Variants in MEDAG observed in about 807,000 individuals in gnomAD.
MEDAG encodes the protein mesenteric estrogen dependent adipogenesis.
MEDAG carries 25 observed loss-of-function variants against 29.9 expected under a neutral mutation model. That is an observed-to-expected ratio of 0.84 (90% CI 0.61 to 1.17). The LOEUF is 1.17. Among genes scored for constraint, MEDAG ranks in the 50% most tolerant of loss-of-function variants. MEDAG has a pLI of 0.00. For missense variants in MEDAG, 398 were observed against 372.9 expected (o/e 1.07, Z -0.56); for synonymous variants, 158 against 148.2 (o/e 1.07, Z -0.48).
In MEDAG at chr13:30,924,878, C is replaced by G. The variant is rs921721675; in HGVS notation, c.*443C>G. 1 of 153,348 alleles carries G rather than the reference C, an allele frequency of 6.5e-6. No individual in the cohort carries two copies. Among genetic ancestry groups the G allele is most frequent in the African/African-American group, 2.4e-5 (1 of 41,458 alleles). 9.5% of individuals were successfully genotyped at this position (153,348 alleles called of 1,614,324 possible). ...GGCCCTCTGCTTGGAGCATCCAACC[C>G]CTTGAACTCAAACCTGTCGAGCAAG... On this transcript the variant is annotated 3_prime_UTR_variant, in exon 5 of 5. Transcript: ENST00000380482.
intron 2 of MEDAG, among the ~76,000 whole-genome samples, chr13:30,919,096 A>T (rs7995963): frequency 0.31 from 46,486 of 151,934 alleles, 7,446 homozygotes; most frequent in African/African-American, 0.41. Flanking sequence ...AACAACTATC[A>T]TGGAAGGAGG....
rs1953031986 is a variant in MEDAG at position 30,925,383 on chromosome 13, A to G, written c.*948A>G. ...TGAATGAATCACTACATATGCTTAT[A>G]ATGAGGAAGAGTTATGGGTCCTGAG... On this transcript the variant is annotated 3_prime_UTR_variant, in exon 5 of 5. Transcript: ENST00000380482. 1 of 152,218 alleles carries G rather than the reference A, an allele frequency of 6.6e-6. No homozygotes were observed. The highest frequency in any genetic ancestry group is 1.5e-5 in the Non-Finnish European group (1 of 68,038). The allele number at this position is 152,218 out of a possible 1,614,324, so 9.4% of individuals were successfully genotyped here.
intron 3 of MEDAG, 61 bp downstream of exon 3, chr13:30,921,187 A>T (rs539481660): frequency 7.1e-7 from 1 of 1,414,074 alleles, no homozygotes; most frequent in African/African-American, 1.4e-5. Flanking sequence ...TGTGCATTTC[A>T]TGCAGGAACT....
chr13:30,921,178 G>C (rs775849780), intron 3 of MEDAG, 52 bp downstream of exon 3: 2 of 1,486,026 alleles, frequency 1.3e-6, no homozygotes, highest in Non-Finnish European at 1.9e-6. Context: ...GAAGGAGCTT[G>C]TGCATTTCAT....
Position 30,921,545 on chromosome 13 carries a change from T to G in MEDAG, c.502-16T>G. The G allele has an allele frequency of 6.3e-7, 1 of 1,588,536 alleles. No individual in the cohort carries two copies. Among genetic ancestry groups the G allele is most frequent in the South Asian group, 1.2e-5 (1 of 84,970 alleles). ...TTATGTCCATTAAGTCAATGCAATG[T>G]TCCTCTCTCTTTCAGTTTGATTTTC... On this transcript the variant is annotated splice_polypyrimidine_tract_variant and intron_variant, in intron 3 of 4. Transcript: ENST00000380482.
intron 1 of MEDAG, among the ~76,000 whole-genome samples, chr13:30,913,839 G>A (rs182142524): frequency 5.1e-4 from 78 of 152,212 alleles, no homozygotes; most frequent in African/African-American, 1.4e-3. Flanking sequence ...TCAGGAGTTC[G>A]AGACCAGCCT....
At chr13:30,918,935 C>T (rs1056994207) in intron 2 of MEDAG, among the ~76,000 whole-genome samples, 1 of 152,160 alleles carries the variant, frequency 6.6e-6, no homozygotes, top group Admixed American at 6.5e-5. Context: ...ATGTAATTCA[C>T]AGCTGTATCA....
chr13:30,909,439 A>G (rs896503080), intron 1 of MEDAG, among the ~76,000 whole-genome samples: 2 of 152,222 alleles, frequency 1.3e-5, no homozygotes, highest in African/African-American at 2.4e-5. Context: ...TGCGGCCACC[A>G]TATTCTGGCC....
Position 30,906,508 on chromosome 13 carries a change from A to G in MEDAG, c.-8A>G, listed in dbSNP as rs1302217386. ...GAAGCAGGCGGTGTGAGGACCGACG[A>G]CGCGGGCATGGCGGGGGCGGCCTGC... On this transcript the variant is annotated 5_prime_UTR_variant, in exon 1 of 5. Coordinates refer to ENST00000380482, the MANE Select transcript of MEDAG (RefSeq NM_032849.4). 2 of 1,508,096 alleles carry G rather than the reference A, an allele frequency of 1.3e-6. No individual in the cohort carries two copies. The highest frequency in any genetic ancestry group is 2.0e-5 in the Admixed American group (1 of 50,206). 93.4% of individuals were successfully genotyped at this position (1,508,096 alleles called of 1,614,324 possible). A position where few individuals can be genotyped will look rare whatever the true frequency, so the allele number is the denominator to read the frequency against.
intron 1 of MEDAG, chr13:30,916,589 C>T (rs2138122310): frequency 1.3e-5 from 2 of 152,394 alleles, no homozygotes; most frequent in Middle Eastern, 3.4e-3. Flanking sequence ...AGCCTACCTA[C>T]ATCCACATGG....
chr13:30,909,655 A>G lies in MEDAG; in HGVS notation c.278+2862A>G, dbSNP rs567302116. The stretch of plus-strand genomic sequence containing the variant: ...GACCCAGGTTAAGAATCCTTGCTCT[A>G]TTAATTAATTAGTTCTTTTTAACTC... On this transcript the variant is annotated intron_variant, in intron 1 of 4. Transcript: ENST00000380482. 2.0e-5 allele frequency among the ~76,000 whole-genome samples: 3 copies of G among 152,300 alleles called. No homozygotes were observed. In the East Asian group the frequency reaches 5.8e-4, roughly 29 times the overall value.
In MEDAG at chr13:30,917,493, C is replaced by G; in HGVS notation, c.369C>G (p.Thr123=). The G allele has an allele frequency of 1.3e-6, 2 of 1,588,616 alleles. No homozygotes were observed. The highest frequency in any genetic ancestry group is 1.1e-5 in the South Asian group (1 of 90,386). The change falls in exon 2 of 5, where the codon ACC becomes ACG. Residue 123 remains threonine, a synonymous_variant. Coordinates refer to ENST00000380482, the MANE Select transcript of MEDAG (RefSeq NM_032849.4). Reference sequence around the variant, plus strand: ...TGTTGTTCTTTATTAATGTACAGACCAAAAAAGACACCTCAAAAGGTAAGT... The same window carrying G: ...TGTTGTTCTTTATTAATGTACAGACGAAAAAAGACACCTCAAAAGGTAAGT... ...KPMLFFINVQ[T]KKDTSKERTY...
intron 1 of MEDAG, among the ~76,000 whole-genome samples, chr13:30,912,833 T>G (rs1193090609): frequency 1.3e-5 from 2 of 152,240 alleles, no homozygotes; most frequent in Non-Finnish European, 2.9e-5. Flanking sequence ...ATTTTCCTTA[T>G]TTCCTGGGAA....
At chr13:30,921,379 G>A (rs1952983583) in intron 3 of MEDAG, among the ~76,000 whole-genome samples, 182 bp from the exon 4 acceptor site, 1 of 152,158 alleles carries the variant, frequency 6.6e-6, no homozygotes, top group African/African-American at 2.4e-5. Flanking sequence ...ATTTTTAGAT[G>A]GAATATGATG....
intron 2 of MEDAG, among the ~76,000 whole-genome samples, chr13:30,919,446 T>TG (rs1422237629): frequency 6.6e-6 from 1 of 152,134 alleles, no homozygotes; most frequent in Non-Finnish European, 1.5e-5. Context: ...AGCACAACTG[T>TG]GGAGTGTTGT....
At position 30,906,631 on chromosome 13, in the gene MEDAG, A is replaced by G. The variant is rs1482812307; in HGVS notation, c.116A>G (p.Gln39Arg). Residue 39 changes from glutamine (Q) to arginine (R), a missense_variant, in exon 1 of 5, where the codon CAG becomes CGG. By Grantham distance (43) the Gln-to-Arg change is conservative. Transcript: ENST00000380482. ...GAGCTGGCCCTGCTGCCGCTGGCTC[A>G]GCTGCTGCGCCTGCAGCCCGGTGCC... is the stretch of plus-strand genomic sequence containing the variant. ...DCELALLPLAQLLRLQPGAFQ... is the reference protein window; with the variant it reads ...DCELALLPLARLLRLQPGAFQ... 5 of 1,581,360 alleles carry G rather than the reference A, an allele frequency of 3.2e-6. No homozygotes were observed. The highest frequency in any genetic ancestry group is 4.3e-6 in the Non-Finnish European group (5 of 1,172,248).
intron 3 of MEDAG, 40 bp downstream of exon 3, chr13:30,921,166 T>C (rs1472244314): frequency 2.0e-6 from 3 of 1,528,152 alleles, no homozygotes; most frequent in African/African-American, 2.7e-5. Flanking sequence ...GTCAACCACA[T>C]GGAAGGAGCT....
chr13:30,906,867 G>A, intron 1 of MEDAG, 74 bp downstream of exon 1: 3 of 1,382,174 alleles, frequency 2.2e-6, no homozygotes, highest in South Asian at 1.6e-5. Context: ...GCGGTCTCTG[G>A]GAGCCTGGGC....
chr13:30,924,630 C>A lies in MEDAG; in HGVS notation c.*195C>A. Reference sequence around the variant, plus strand: ...CCTGGCAGGCCCAGGGCAGCTGATTCCCCTAAAACTTATGATTACCAGGAT... The same window carrying A: ...CCTGGCAGGCCCAGGGCAGCTGATTACCCTAAAACTTATGATTACCAGGAT... On this transcript the variant is annotated 3_prime_UTR_variant, in exon 5 of 5. Coordinates refer to ENST00000380482, the MANE Select transcript of MEDAG (RefSeq NM_032849.4). The A allele has an allele frequency of 2.1e-6, 1 of 485,210 alleles. No individual in the cohort carries two copies. The highest frequency in any genetic ancestry group is 4.3e-5 in the South Asian group (1 of 23,368). 30.1% of individuals were successfully genotyped at this position (485,210 alleles called of 1,614,324 possible). A position where few individuals can be genotyped will look rare whatever the true frequency, so the allele number is the denominator to read the frequency against.
Sources: allele counts gnomAD v4.1 joint callset (sites outside exome capture counted in the v4.1 genomes callset), GRCh38; gene constraint gnomAD v4.1.1; transcripts MANE v1.5; gene names NCBI Gene and HGNC (gene_info 2026-07-23, HGNC 2026-07-21).